The following CTPS2 variants were observed in gnomAD, a reference collection of about 807,000 sequenced individuals.
CTPS2 encodes CTP synthase 2, also known as CTP synthase II.
A neutral mutation model predicts 46.8 loss-of-function variants in CTPS2; 19 were observed. The ratio of observed to expected loss-of-function variants is 0.41; its 90% CI spans 0.28 to 0.60. The LOEUF is 0.60. Among genes scored for constraint, CTPS2 ranks in the 20% least tolerant of loss-of-function variants. CTPS2 has a pLI of 0.35. For synonymous variants in CTPS2, 151 were observed against 165.2 expected (o/e 0.91, Z 0.66); for missense variants, 286 against 447.6 (o/e 0.64, Z 3.26).
chrX:16,638,083 A>G (rs5936155), intron 14 of CTPS2, among the ~76,000 whole-genome samples: 56,825 of 107,819 alleles, frequency 0.53, 12,126 homozygotes, highest in African/African-American at 0.77. Flanking sequence ...GTGAAACCCC[A>G]TCTCTACTAA....
chrX:16,649,658 A>AC (rs1300432246), intron 13 of CTPS2, among the ~76,000 whole-genome samples: 2 of 111,017 alleles, frequency 1.8e-5, no homozygotes, highest in African/African-American at 6.6e-5. Context: ...CACCTGGCTG[A>AC]TTTTTTAAAT....
intron 1 of CTPS2, chrX:16,711,866 G>A (rs1925485480): frequency 9.0e-6 from 1 of 111,111 alleles, no homozygotes; most frequent in South Asian, 3.8e-4. Context: ...CGTTGTTTAA[G>A]GGGTGCACTG....
At chrX:16,705,734 C>A (rs137946630) in intron 1 of CTPS2, among the ~76,000 whole-genome samples, 71 of 111,063 alleles carry the variant, frequency 6.4e-4, no homozygotes, top group African/African-American at 2.3e-3. Context: ...GGCAACATAG[C>A]GAGACCCTGT....
chrX:16,685,040 G>A (rs985425954), intron 8 of CTPS2, among the ~76,000 whole-genome samples: 3 of 111,076 alleles, frequency 2.7e-5, no homozygotes, highest in Admixed American at 9.6e-5. Flanking sequence ...GCAGTGAACC[G>A]AGATCATGCC....
chrX:16,709,833 G>C (rs969624651), intron 1 of CTPS2, among the ~76,000 whole-genome samples: 8 of 73,192 alleles, frequency 1.1e-4, no homozygotes, highest in Admixed American at 4.1e-4. Flanking sequence ...TGGTGACAGA[G>C]TGAGACTCTG....
chrX:16,633,639 A>G (rs1931598160), intron 14 of CTPS2, among the ~76,000 whole-genome samples: 1 of 112,161 alleles, frequency 8.9e-6, no homozygotes, highest in South Asian at 3.7e-4. Flanking sequence ...GTTAAGTCCT[A>G]ATAAAGACTT....
Position 16,604,363 on chromosome X carries a change from A to G in CTPS2, c.1691+5178T>C, listed in dbSNP as rs1365533011. On this transcript the variant is annotated intron_variant, in intron 17 of 18. Transcript: ENST00000359276. ...TCTGATATACATCAAGCACTGTCCAAGGAAGAGAGTTTTACTCTGATCTGA... is the reference window on the plus strand; with the variant it reads ...TCTGATATACATCAAGCACTGTCCAGGGAAGAGAGTTTTACTCTGATCTGA... Among the ~76,000 whole-genome samples the G allele has an allele frequency of 4.4e-5, 5 of 112,765 alleles. No individual in the cohort carries two copies. In the Admixed American group the frequency reaches 4.7e-4, roughly 11 times the overall value.
intron 18 of CTPS2, 66 bp downstream of exon 18, chrX:16,590,686 G>A (rs1928849597): frequency 5.1e-6 from 3 of 587,306 alleles, no homozygotes; most frequent in Non-Finnish European, 8.3e-6. Context: ...TATAATACCC[G>A]CCTCTATACC....
At chrX:16,609,459 G>C (rs1445394492) in intron 17 of CTPS2, 82 bp downstream of exon 17, 1 of 948,381 alleles carries the variant, frequency 1.1e-6, no homozygotes, top group Non-Finnish European at 1.5e-6. Flanking sequence ...AAATTCTATA[G>C]TGGTATTAAT....
At chrX:16,702,696 T>A in intron 2 of CTPS2, 41 bp downstream of exon 2, 6 of 1,149,921 alleles carry the variant, frequency 5.2e-6, no homozygotes, top group Non-Finnish European at 7.1e-6. Context: ...AGAATGCAGT[T>A]GAGCCTAGTG....
At chrX:16,641,764 A>G (rs1932091471) in intron 13 of CTPS2, among the ~76,000 whole-genome samples, 1 of 112,169 alleles carries the variant, frequency 8.9e-6, no homozygotes, top group South Asian at 3.7e-4. Flanking sequence ...AAAGAAAAAG[A>G]ACAGGAAATC....
At chrX:16,604,556 T>C (rs1929858248) in intron 17 of CTPS2, among the ~76,000 whole-genome samples, 1 of 111,333 alleles carries the variant, frequency 9.0e-6, no homozygotes, top group Non-Finnish European at 1.9e-5. Context: ...GCCAGGCACA[T>C]TGGCCCATGC....
chrX:16,707,789 G>A (rs1017041252), intron 1 of CTPS2, among the ~76,000 whole-genome samples: 1 of 111,815 alleles, frequency 8.9e-6, no homozygotes, highest in Admixed American at 9.5e-5. Context: ...CCTGGTCAGC[G>A]TGGCGAAACA....
intron 13 of CTPS2, among the ~76,000 whole-genome samples, chrX:16,656,060 T>G (rs1168511339): frequency 9.0e-6 from 1 of 111,675 alleles, no homozygotes; most frequent in Non-Finnish European, 1.9e-5. Context: ...CTTCCCAAAG[T>G]GCTAGGATTA....
chrX:16,703,485 G>A (rs950418351), intron 1 of CTPS2, among the ~76,000 whole-genome samples: 3 of 109,155 alleles, frequency 2.7e-5, no homozygotes. Flanking sequence ...CACGTGCCAC[G>A]TCTCCCAGCT....
At chrX:16,645,646 C>A (rs1032241455) in intron 13 of CTPS2, among the ~76,000 whole-genome samples, 2 of 112,464 alleles carry the variant, frequency 1.8e-5, no homozygotes, top group Non-Finnish European at 3.8e-5. Context: ...GTCTTTTAAA[C>A]TTGTTTTTTT....
chrX:16,650,616 G>A (rs1257269557), intron 13 of CTPS2, among the ~76,000 whole-genome samples: 1 of 103,305 alleles, frequency 9.7e-6, no homozygotes, highest in Non-Finnish European at 2.0e-5. Context: ...GGGTTCAAGC[G>A]ATTCTCCTGC....
chrX:16,708,500 C>A (rs966098849), intron 1 of CTPS2, among the ~76,000 whole-genome samples: 2 of 110,801 alleles, frequency 1.8e-5, no homozygotes, highest in African/African-American at 6.6e-5. Context: ...CCAGTCTGGA[C>A]AACAGAGTGA....
chrX:16,691,684 C>A, intron 6 of CTPS2, 64 bp from the exon 7 acceptor site: 1 of 969,577 alleles, frequency 1.0e-6, no homozygotes. Context: ...ACATTCATTT[C>A]TTTTTACAAG....
Sources: allele counts gnomAD v4.1 joint callset (sites outside exome capture counted in the v4.1 genomes callset), GRCh38; gene constraint gnomAD v4.1.1; transcripts MANE v1.5; gene names NCBI Gene and HGNC (gene_info 2026-07-23, HGNC 2026-07-21).